Variants in CTNND2 observed in about 807,000 individuals in gnomAD.
CTNND2 encodes catenin delta-2.
A neutral mutation model predicts 144.4 loss-of-function variants in CTNND2; 22 were observed. The ratio of observed to expected loss-of-function variants is 0.15; its 90% CI spans 0.11 to 0.22. CTNND2 has a LOEUF of 0.22. Among genes scored for constraint, CTNND2 ranks in the 10% least tolerant of loss-of-function variants. The pLI is 1.00. For synonymous variants in CTNND2, 751 were observed against 695.6 expected (o/e 1.08, Z -1.25); for missense variants, 1,353 against 1,618.8 (o/e 0.84, Z 2.82).
chr5:11,563,006 T>C (rs1484334949), intron 3 of CTNND2, among the ~76,000 whole-genome samples: 1 of 152,252 alleles, frequency 6.6e-6, no homozygotes, highest in African/African-American at 2.4e-5. Flanking sequence ...CAAGCCACTA[T>C]GGCCACCATT....
chr5:11,424,888 T>C (rs986579891), intron 3 of CTNND2, among the ~76,000 whole-genome samples: 2 of 152,198 alleles, frequency 1.3e-5, no homozygotes, highest in Non-Finnish European at 2.9e-5. Context: ...GACTTCTGAT[T>C]ATCCCTTTGT....
intron 11 of CTNND2, among the ~76,000 whole-genome samples, chr5:11,188,805 A>C (rs1580534466): frequency 6.6e-6 from 1 of 152,192 alleles, no homozygotes; most frequent in East Asian, 1.9e-4. Context: ...ATCACCTTGG[A>C]ACACTTAACT....
At chr5:11,107,074 C>T (rs1368987562) in intron 14 of CTNND2, among the ~76,000 whole-genome samples, 3 of 152,100 alleles carry the variant, frequency 2.0e-5, no homozygotes, top group African/African-American at 7.2e-5. Flanking sequence ...AACTATAAGA[C>T]CTTATGAATT....
intron 3 of CTNND2, among the ~76,000 whole-genome samples, chr5:11,435,434 G>C (rs533823182): frequency 2.6e-5 from 4 of 151,894 alleles, no homozygotes; most frequent in African/African-American, 9.7e-5. Flanking sequence ...GAGCCACCGC[G>C]CCCCGCCGTT....
At chr5:11,332,929 C>T (rs952642661) in intron 9 of CTNND2, among the ~76,000 whole-genome samples, 3 of 152,198 alleles carry the variant, frequency 2.0e-5, no homozygotes, top group South Asian at 2.1e-4. Flanking sequence ...CCTGCCGCCA[C>T]GTAGGACATG....
intron 1 of CTNND2, among the ~76,000 whole-genome samples, chr5:11,810,268 C>G (rs974361073): frequency 6.6e-6 from 1 of 151,886 alleles, no homozygotes; most frequent in African/African-American, 2.4e-5. Context: ...AAGATTATGA[C>G]GTAAGCTTTA....
intron 3 of CTNND2, among the ~76,000 whole-genome samples, chr5:11,485,853 G>T (rs973089091): frequency 6.6e-6 from 1 of 152,096 alleles, no homozygotes; most frequent in East Asian, 1.9e-4. Flanking sequence ...ATTGAGAAAG[G>T]TCTTTCTAAA....
chr5:11,838,537 G>A (rs1357588805), intron 1 of CTNND2, among the ~76,000 whole-genome samples: 1 of 152,106 alleles, frequency 6.6e-6, no homozygotes, highest in African/African-American at 2.4e-5. Flanking sequence ...TGGGGTTTGA[G>A]GTAATAGGAT....
chr5:11,166,623 G>C (rs1759365742), intron 11 of CTNND2, among the ~76,000 whole-genome samples: 2 of 151,924 alleles, frequency 1.3e-5, no homozygotes, highest in African/African-American at 4.8e-5. Flanking sequence ...GGGTATAAAG[G>C]GGCTGTCACC....
intron 16 of CTNND2, among the ~76,000 whole-genome samples, chr5:11,066,914 C>A (rs1747681668): frequency 6.6e-6 from 1 of 152,194 alleles, no homozygotes; most frequent in Non-Finnish European, 1.5e-5. Flanking sequence ...AGCAGATTAG[C>A]AATCTGACCA....
At chr5:11,496,668 C>T (rs1323125724) in intron 3 of CTNND2, among the ~76,000 whole-genome samples, 1 of 152,076 alleles carries the variant, frequency 6.6e-6, no homozygotes, top group African/African-American at 2.4e-5. Flanking sequence ...AAGGAATTTG[C>T]CACAAATTTG....
intron 3 of CTNND2, among the ~76,000 whole-genome samples, chr5:11,562,359 CA>C (rs1432636630): frequency 6.6e-6 from 1 of 152,078 alleles, no homozygotes; most frequent in Non-Finnish European, 1.5e-5. Flanking sequence ...GTTAGTCTAT[CA>C]CCTTTAATGA....
intron 18 of CTNND2, among the ~76,000 whole-genome samples, chr5:11,008,650 C>T (rs1041147237): frequency 1.2e-4 from 18 of 152,178 alleles, no homozygotes; most frequent in Admixed American, 3.9e-4. Flanking sequence ...CCCACTTTCT[C>T]GAAGTCTTAG....
At chr5:11,286,758 G>A (rs1174666641) in intron 9 of CTNND2, among the ~76,000 whole-genome samples, 1 of 152,170 alleles carries the variant, frequency 6.6e-6, no homozygotes, top group African/African-American at 2.4e-5. Context: ...ATGGGCCCAA[G>A]CATTTTAGAC....
At chr5:11,706,683 G>A (rs1231828514) in intron 2 of CTNND2, among the ~76,000 whole-genome samples, 1 of 152,160 alleles carries the variant, frequency 6.6e-6, no homozygotes, top group East Asian at 1.9e-4. Context: ...AGCCTCTTGT[G>A]TCAGTCTCCT....
chr5:10,974,336 G>A (rs1249958444), intron 21 of CTNND2, among the ~76,000 whole-genome samples: 2 of 152,152 alleles, frequency 1.3e-5, no homozygotes, highest in Non-Finnish European at 2.9e-5. Context: ...ATGCACTGAA[G>A]GCCATGACTT....
chr5:11,637,616 C>T (rs531400146), intron 2 of CTNND2, among the ~76,000 whole-genome samples: 4 of 152,086 alleles, frequency 2.6e-5, no homozygotes, highest in Non-Finnish European at 4.4e-5. Flanking sequence ...GTATCGATTC[C>T]TAACTCATTC....
At chr5:11,118,419 G>T (rs1039171037) in intron 12 of CTNND2, among the ~76,000 whole-genome samples, 7 of 152,204 alleles carry the variant, frequency 4.6e-5, no homozygotes, top group East Asian at 3.9e-4. Context: ...GGGATTGAAA[G>T]AATTTAAGGA....
chr5:11,072,328 C>T (rs1275195383), intron 16 of CTNND2, among the ~76,000 whole-genome samples: 1 of 152,164 alleles, frequency 6.6e-6, no homozygotes, highest in African/African-American at 2.4e-5. Flanking sequence ...AGTTCAGTAG[C>T]CTACATCAAA....
Sources: allele counts gnomAD v4.1 joint callset (sites outside exome capture counted in the v4.1 genomes callset), GRCh38; gene constraint gnomAD v4.1.1; transcripts MANE v1.5; gene names NCBI Gene and HGNC (gene_info 2026-07-23, HGNC 2026-07-21).